Variants in MECOM observed in about 807,000 individuals in gnomAD.
MECOM encodes histone-lysine N-methyltransferase MECOM.
In MECOM, 13 loss-of-function variants were observed where a neutral mutation model predicts 116.3. The observed-to-expected ratio is 0.11, with a 90% CI of 0.07 to 0.18. The LOEUF is 0.18. MECOM is among the 10% of genes least tolerant of loss of function. The pLI is 1.00. For missense variants in MECOM, 1,299 were observed against 1,509.0 expected, an observed-to-expected ratio of 0.86 and a Z score of 2.31; for synonymous variants, 528 against 535.2, an observed-to-expected ratio of 0.99 and a Z score of 0.19.
In MECOM at chr3:169,263,113, A is replaced by G. The variant is rs1243218233; in HGVS notation, c.375+118074T>C. Among the ~76,000 whole-genome samples, 208 of 69,442 alleles carry G rather than the reference A, an allele frequency of 3.0e-3. 2 individuals carry two copies. The highest frequency in any genetic ancestry group is 3.6e-3 in the Non-Finnish European group (158 of 43,312). The allele number at this position is 69,442 out of a possible 152,430, so 45.6% of individuals were successfully genotyped here. ...TATATATATATATATATATATATAT[A>G]TATATATATATATATGTTTTTTTTT... On this transcript the variant is annotated intron_variant, in intron 2 of 16. Transcript: ENST00000651503.
chr3:169,173,826 C>T (rs1386381192), intron 2 of MECOM, among the ~76,000 whole-genome samples: 6 of 152,290 alleles, frequency 3.9e-5, no homozygotes, highest in African/African-American at 1.2e-4. Flanking sequence ...CACTGACGGG[C>T]TGAAGGCCAA....
At position 169,662,516 on chromosome 3, in the gene MECOM, C is replaced by T. The variant is rs549425286; in HGVS notation, c.37+820G>A. Among the ~76,000 whole-genome samples the T allele has an allele frequency of 1.2e-4, 19 of 152,256 alleles. No homozygotes were observed. The East Asian group carries it at 3.3e-3, about 26-fold the overall frequency. On this transcript the variant is annotated intron_variant, in intron 1 of 16. Coordinates refer to ENST00000651503, the MANE Select transcript of MECOM (RefSeq NM_004991.4). ...CCACGTCCGAGCGCTCGCTGGGCCT[C>T]TTTCCTCCCCACCTGCGCGTGGCTG...
intron 2 of MECOM, among the ~76,000 whole-genome samples, chr3:169,261,055 C>A (rs2149611095): frequency 1.3e-5 from 2 of 152,204 alleles, no homozygotes; most frequent in Middle Eastern, 6.8e-3. Context: ...TTATTCATCC[C>A]CTTCATGATC....
intron 5 of MECOM, among the ~76,000 whole-genome samples, chr3:169,127,080 CA>C (rs1402197111): frequency 2.0e-5 from 3 of 151,804 alleles, no homozygotes; most frequent in Admixed American, 6.6e-5. Flanking sequence ...TAGAAACAAA[CA>C]AAAAAACCCA....
chr3:169,157,573 A>G (rs1000122853), intron 2 of MECOM, among the ~76,000 whole-genome samples: 3 of 152,222 alleles, frequency 2.0e-5, no homozygotes, highest in African/African-American at 7.2e-5. Context: ...TCTCTATATC[A>G]TTGTGAAAAT....
chr3:169,116,243 C>T lies in MECOM; in HGVS notation c.1629G>A (p.Lys543=). 1 of 1,614,158 alleles carries T rather than the reference C, an allele frequency of 6.2e-7. No homozygotes were observed. The highest frequency in any genetic ancestry group is 1.1e-5 in the South Asian group (1 of 91,086). The change falls in exon 8 of 17, where the codon AAG becomes AAA. Residue 543 remains lysine (K), a synonymous_variant. Coordinates refer to ENST00000651503, the MANE Select transcript of MECOM (RefSeq NM_004991.4). ...QILPATQDIL[K]ALSKHPSVGD... The stretch of plus-strand genomic sequence containing the variant: ...CTACAGATGGGTGTTTAGATAGTGC[C>T]TTCAAAATATCCTGTGTAGCTGGCA...
chr3:169,145,195 G>A (rs1239819337), intron 2 of MECOM: 7 of 484,824 alleles, frequency 1.4e-5, no homozygotes, highest in Middle Eastern at 4.2e-4. Context: ...CACACAGAGA[G>A]AAATCAAACT....
chr3:169,089,839 A>G (rs575196494), intron 15 of MECOM, among the ~76,000 whole-genome samples, 161 bp downstream of exon 15: 2 of 152,224 alleles, frequency 1.3e-5, no homozygotes, highest in East Asian at 3.9e-4. Flanking sequence ...GTTGATAGCC[A>G]CCTTATTTTC....
At chr3:169,413,710 G>T (rs759948640) in intron 1 of MECOM, among the ~76,000 whole-genome samples, 25 of 152,208 alleles carry the variant, frequency 1.6e-4, no homozygotes, top group Non-Finnish European at 2.9e-4. Context: ...GGGGAGGGAT[G>T]TCTGCCATTA....
intron 2 of MECOM, among the ~76,000 whole-genome samples, chr3:169,230,320 G>T (rs1753223385): frequency 6.6e-6 from 1 of 151,894 alleles, no homozygotes; most frequent in Non-Finnish European, 1.5e-5. Context: ...GAGATACATG[G>T]GATATGAAGC....
At chr3:169,343,893 A>T (rs984190471) in intron 2 of MECOM, among the ~76,000 whole-genome samples, 1 of 152,216 alleles carries the variant, frequency 6.6e-6, no homozygotes, top group African/African-American at 2.4e-5. Context: ...CATTGTTGAC[A>T]TTCAAAATGC....
intron 1 of MECOM, among the ~76,000 whole-genome samples, chr3:169,536,445 C>T (rs543642370): frequency 1.6e-4 from 23 of 146,510 alleles, no homozygotes; most frequent in South Asian, 4.3e-4. Flanking sequence ...TCTTTCTGGA[C>T]GTTAATTCAG....
At chr3:169,099,810 A>AATAATTAAAT in intron 12 of MECOM, among the ~76,000 whole-genome samples, 1 of 152,222 alleles carries the variant, frequency 6.6e-6, no homozygotes, top group East Asian at 1.9e-4. Context: ...CAAGGCATTG[A>AATAATTAAAT]ACATTAAATA....
chr3:169,472,205 TA>T (rs201530116), intron 1 of MECOM, among the ~76,000 whole-genome samples: 59 of 149,884 alleles, frequency 3.9e-4, no homozygotes, highest in African/African-American at 1.2e-3. Flanking sequence ...AATTAAAAAT[TA>T]AAAAAAAATT....
intron 2 of MECOM, among the ~76,000 whole-genome samples, chr3:169,352,636 C>T (rs1385974470): frequency 2.6e-5 from 4 of 151,978 alleles, no homozygotes; most frequent in African/African-American, 9.6e-5. Context: ...ATATCCTATT[C>T]ATTCAGGGAG....
At chr3:169,417,860 A>G (rs1275508151) in intron 1 of MECOM, among the ~76,000 whole-genome samples, 1 of 152,102 alleles carries the variant, frequency 6.6e-6, no homozygotes, top group East Asian at 1.9e-4. Flanking sequence ...CGCAAGAACA[A>G]AAAACCAAAC....
chr3:169,648,714 G>C (rs1172793990), intron 1 of MECOM, among the ~76,000 whole-genome samples: 1 of 152,196 alleles, frequency 6.6e-6, no homozygotes, highest in Admixed American at 6.5e-5. Context: ...TCTTATTTCT[G>C]TTTCATGAAC....
chr3:169,453,966 G>T (rs988203078), intron 1 of MECOM, among the ~76,000 whole-genome samples: 5 of 151,966 alleles, frequency 3.3e-5, no homozygotes, highest in African/African-American at 1.2e-4. Flanking sequence ...ATCAAAACTT[G>T]TTGGGGTCAG....
At chr3:169,255,360 C>G (rs1467930228) in intron 2 of MECOM, among the ~76,000 whole-genome samples, 2 of 152,054 alleles carry the variant, frequency 1.3e-5, no homozygotes, top group Non-Finnish European at 1.5e-5. Flanking sequence ...AAAACAAAAC[C>G]TGGAGACTTC....
Sources: gnomAD v4.1 joint callset for allele counts (sites outside exome capture counted in the v4.1 genomes callset) on GRCh38, gnomAD v4.1.1 for gene constraint, MANE v1.5 for transcripts, NCBI Gene and HGNC (gene_info 2026-07-23, HGNC 2026-07-21) for gene names.